The following ATP9B variants were observed in gnomAD, a reference collection of about 807,000 sequenced individuals.
ATP9B encodes the protein ATPase phospholipid transporting 9B.
ATP9B carries 110 observed loss-of-function variants against 146.1 expected under a neutral mutation model. The observed-to-expected ratio is 0.75, with a 90% CI of 0.65 to 0.88. The LOEUF is 0.88. Ranked by LOEUF, ATP9B falls within the 40% of genes least tolerant of loss-of-function variation. ATP9B has a pLI of 0.00. For missense variants in ATP9B, 1,499 were observed against 1,496.4 expected (o/e 1.00, Z -0.03); for synonymous variants, 604 against 569.7 (o/e 1.06, Z -0.86).
intron 1 of ATP9B, chr18:79,085,587 G>C (rs371121228): frequency 6.6e-6 from 1 of 152,140 alleles, no homozygotes; most frequent in Non-Finnish European, 1.5e-5. Context: ...GTGAAAATAA[G>C]GTATTTGTTA....
At position 79,336,663 on chromosome 18, in the gene ATP9B, C is replaced by T. The variant is rs551029880; in HGVS notation, c.2064C>T (p.Leu688=). 15 of 1,612,662 alleles carry T rather than the reference C, an allele frequency of 9.3e-6. No homozygotes were observed. Among genetic ancestry groups the T allele is most frequent in the Middle Eastern group, 1.6e-4 (1 of 6,084 alleles). The stretch of plus-strand genomic sequence containing the variant: ...TGGCTCGCGAAGGACTGCGGACCCT[C>T]GTGGTTGCAAAGAAGGCGTTGACAG... ...GNMAREGLRT[L]VVAKKALTEE... The change falls in exon 18 of 30, where the codon CTC becomes CTT. Residue 688 remains leucine, a synonymous_variant. Coordinates refer to ENST00000426216, the MANE Select transcript of ATP9B (RefSeq NM_198531.5).
At chr18:79,262,015 C>T (rs923641624) in intron 12 of ATP9B, among the ~76,000 whole-genome samples, 7 of 152,070 alleles carry the variant, frequency 4.6e-5, no homozygotes, top group Admixed American at 1.3e-4. Flanking sequence ...GCTCAGTACA[C>T]GCCCCACGCT....
chr18:79,248,672 T>A (rs1483296845), intron 11 of ATP9B, among the ~76,000 whole-genome samples: 2 of 152,250 alleles, frequency 1.3e-5, no homozygotes, highest in Non-Finnish European at 2.9e-5. Context: ...GAGTCGAGGC[T>A]TTTCAAATTG....
rs746294926 is a variant in ATP9B, at chr18:79,374,065, T to C, written c.3238T>C (p.Tyr1080His). ...VVAEFLSLGC[Y>H]VSSLAFLNEY... is the part of the protein sequence containing the mutation. The stretch of plus-strand genomic sequence containing the variant: ...GGCCGAGTTCCTCAGCTTAGGCTGC[T>C]ACGTGTCCTCACTCGCTTTTCTCAA... Residue 1080 changes from tyrosine to histidine, a missense_variant, in exon 28 of 30, where the codon TAC becomes CAC. Coordinates refer to ENST00000426216, the MANE Select transcript of ATP9B (RefSeq NM_198531.5). 6.2e-7 allele frequency: 1 copy of C among 1,614,262 alleles called. No homozygotes were observed. The highest frequency in any genetic ancestry group is 1.1e-5 in the South Asian group (1 of 91,090).
In ATP9B at chr18:79,377,276, C is replaced by G. The variant is rs1199295379; in HGVS notation, c.3337C>G (p.Leu1113Val). 2 of 1,612,516 alleles carry G rather than the reference C, an allele frequency of 1.2e-6. No individual in the cohort carries two copies. Among genetic ancestry groups the G allele is most frequent in the Admixed American group, 3.3e-5 (2 of 60,024 alleles). ...TGCCTTTATCACCACCGTGACCTTCCTGTGGAAAGTGTCGGCGATCACCGT... is the reference window on the plus strand; with the variant it reads ...TGCCTTTATCACCACCGTGACCTTCGTGTGGAAAGTGTCGGCGATCACCGT... ...DVAFITTVTF[L>V]WKVSAITVVS... Residue 1113 changes from leucine (L) to valine (V), a missense_variant, in exon 30 of 30, where the codon CTG becomes GTG. Leu to Val is a conservative substitution (Grantham distance 32). Transcript: ENST00000426216.
Position 79,303,676 on chromosome 18 carries a change from T to G in ATP9B, c.1484T>G (p.Met495Arg). 6.2e-7 allele frequency: 1 copy of G among 1,614,122 alleles called. No homozygotes were observed. The highest frequency in any genetic ancestry group is 8.5e-7 in the Non-Finnish European group (1 of 1,179,998). ...ACCGTGTCCTATGGCGCCGACACGATGGATGAGATCCAGAGCCATGTCAGG... is the reference window on the plus strand; with the variant it reads ...ACCGTGTCCTATGGCGCCGACACGAGGGATGAGATCCAGAGCCATGTCAGG... The part of the protein sequence containing the change: ...LGTVSYGADT[M>R]DEIQSHVRDS... Residue 495 changes from methionine (M) to arginine (R), a missense_variant, in exon 14 of 30, where the codon ATG becomes AGG. Physicochemically the swap from Met to Arg is moderately conservative, Grantham distance 91. Transcript: ENST00000426216.
intron 5 of ATP9B, among the ~76,000 whole-genome samples, chr18:79,137,273 T>C (rs1035747042): frequency 6.6e-6 from 1 of 152,224 alleles, no homozygotes; most frequent in Admixed American, 6.5e-5. Context: ...CAGTTTTGAT[T>C]GAATGGTTTT....
chr18:79,107,239 A>G (rs1195912411), intron 2 of ATP9B, among the ~76,000 whole-genome samples: 1 of 152,202 alleles, frequency 6.6e-6, no homozygotes, highest in Non-Finnish European at 1.5e-5. Flanking sequence ...TCACTGTAGT[A>G]ATGGAATATT....
chr18:79,366,240 C>T (rs953763909), intron 26 of ATP9B, among the ~76,000 whole-genome samples: 7 of 152,150 alleles, frequency 4.6e-5, no homozygotes, highest in African/African-American at 1.2e-4. Context: ...CTCTGTCTGG[C>T]GCGGTGGTGG....
chr18:79,337,794 C>T (rs1434365359), intron 19 of ATP9B, among the ~76,000 whole-genome samples: 1 of 152,242 alleles, frequency 6.6e-6, no homozygotes, highest in Non-Finnish European at 1.5e-5. Flanking sequence ...CGCATGGAGC[C>T]AGTGCCCGTC....
chr18:79,260,500 G>C (rs1238879152), intron 12 of ATP9B, among the ~76,000 whole-genome samples: 1 of 152,164 alleles, frequency 6.6e-6, no homozygotes, highest in African/African-American at 2.4e-5. Context: ...GCAGAAACCA[G>C]GAGTAGAGAT....
At position 79,069,501 on chromosome 18, in the gene ATP9B, C is replaced by A. The variant is rs922416237; in HGVS notation, c.91C>A (p.Pro31Thr). 1.4e-6 allele frequency: 2 copies of A among 1,454,776 alleles called. No homozygotes were observed. The highest frequency in any genetic ancestry group is 2.7e-5 in the Admixed American group (1 of 37,484). 90.1% of individuals were successfully genotyped at this position (1,454,776 alleles called of 1,614,324 possible). A position where few individuals can be genotyped will look rare whatever the true frequency, so the allele number is the denominator to read the frequency against. The change falls in exon 1 of 30, where the codon CCC (proline) becomes ACC (threonine). Residue 31 changes from proline (P) to threonine (T), a missense_variant. Physicochemically the swap from Pro to Thr is conservative, Grantham distance 38. Transcript: ENST00000426216. ...CGCGGCCTACTACAGCGCCGCGGGG[C>A]CCAGGCCGGGAGCCGACCGGCACAG... is the stretch of plus-strand genomic sequence containing the variant. ...KRAAYYSAAG[P>T]RPGADRHSRY...
chr18:79,202,072 T>C (rs1048201662), intron 9 of ATP9B, among the ~76,000 whole-genome samples: 1 of 152,032 alleles, frequency 6.6e-6, no homozygotes, highest in African/African-American at 2.4e-5. Context: ...TATATATATA[T>C]ACGGAATTAG....
intron 12 of ATP9B, 116 bp downstream of exon 12, chr18:79,253,657 C>A: frequency 8.8e-7 from 1 of 1,140,380 alleles, no homozygotes; most frequent in South Asian, 1.7e-5. Flanking sequence ...AAGTAGGAGC[C>A]AGAAGTTCTG....
rs1400934767 is a variant in ATP9B, at chr18:79,285,939, A to G, written c.1411+8743A>G. Among the ~76,000 whole-genome samples, 171 of 149,196 alleles carry G rather than the reference A, an allele frequency of 1.1e-3. 3 individuals carry two copies. Among genetic ancestry groups the G allele is most frequent in the Non-Finnish European group, 2.5e-4 (17 of 67,002 alleles). On this transcript the variant is annotated intron_variant, in intron 13 of 29. Transcript: ENST00000426216. ...GATCAGATAGTTGTAGATATGCGGC[A>G]TTATTTCTGAGGGCTCTGTTATGTT...
intron 7 of ATP9B, among the ~76,000 whole-genome samples, chr18:79,168,330 A>T (rs2095014182): frequency 6.6e-6 from 1 of 152,108 alleles, no homozygotes; most frequent in African/African-American, 2.4e-5. Context: ...AAAAATAAAC[A>T]AATGAGTATA....
intron 23 of ATP9B, among the ~76,000 whole-genome samples, chr18:79,346,759 G>A (rs1165788866): frequency 3.3e-5 from 5 of 152,198 alleles, no homozygotes; most frequent in African/African-American, 1.2e-4. Flanking sequence ...CATACTCACC[G>A]CATGCTTGGT....
intron 19 of ATP9B, among the ~76,000 whole-genome samples, chr18:79,341,144 G>A (rs2096855911): frequency 6.6e-6 from 1 of 152,194 alleles, no homozygotes; most frequent in Non-Finnish European, 1.5e-5. Flanking sequence ...TGTGTAGCGT[G>A]ACCTCGTTGA....
chr18:79,074,562 C>T (rs1354823700), intron 1 of ATP9B, among the ~76,000 whole-genome samples: 2 of 152,258 alleles, frequency 1.3e-5, no homozygotes, highest in Admixed American at 6.5e-5. Context: ...GCATGAGGGG[C>T]ACAGAGCCTT....
Sources: allele counts gnomAD v4.1 joint callset (sites outside exome capture counted in the v4.1 genomes callset), GRCh38; gene constraint gnomAD v4.1.1; transcripts MANE v1.5; gene names NCBI Gene and HGNC (gene_info 2026-07-23, HGNC 2026-07-21).